The following CD34 variants were observed in gnomAD, a reference collection of about 807,000 sequenced individuals.
CD34 encodes CD34 molecule.
In CD34, 34 loss-of-function variants were observed where a neutral mutation model predicts 40.1. The observed-to-expected ratio is 0.85, with a 90% CI of 0.65 to 1.13. The LOEUF (loss-of-function observed/expected upper bound fraction) is 1.13, where lower values mean the gene tolerates loss of function less well. Among genes scored for constraint, CD34 ranks in the 50% most tolerant of loss-of-function variants. The pLI, the probability that CD34 is intolerant of heterozygous loss-of-function variation, is 0.00. For missense variants in CD34, 426 were observed against 466.9 expected (o/e 0.91, Z 0.81); for synonymous variants, 209 against 190.0 (o/e 1.10, Z -0.82).
At chr1:207,889,886 C>T (rs780450260) in intron 4 of CD34, 26 of 1,541,382 alleles carry the variant, frequency 1.7e-5, no homozygotes, top group Admixed American at 2.5e-5. Context: ...AAAATTGTCT[C>T]GTTGAAGCAT....
intron 1 of CD34, among the ~76,000 whole-genome samples, chr1:207,910,465 A>G (rs1199349058): frequency 6.6e-6 from 1 of 152,114 alleles, no homozygotes; most frequent in Non-Finnish European, 1.5e-5. Context: ...TTCATTCCGA[A>G]CACCCCTGGC....
At chr1:207,896,697 A>C (rs1438458744) in intron 4 of CD34, among the ~76,000 whole-genome samples, 1 of 152,130 alleles carries the variant, frequency 6.6e-6, no homozygotes, top group Non-Finnish European at 1.5e-5. Flanking sequence ...AAATGAAGAA[A>C]TTTTAGAGCA....
intron 1 of CD34, among the ~76,000 whole-genome samples, chr1:207,904,609 C>T (rs1179831854): frequency 1.3e-5 from 2 of 152,000 alleles, no homozygotes; most frequent in Non-Finnish European, 2.9e-5. Flanking sequence ...AAGCAGTTAT[C>T]CTGTCTGGTA....
chr1:207,888,813 C>G lies in CD34; in HGVS notation c.841G>C (p.Ala281Pro). 6.2e-7 allele frequency: 1 copy of G among 1,614,186 alleles called. No homozygotes were observed. Among genetic ancestry groups the G allele is most frequent in the South Asian group, 1.1e-5 (1 of 91,088 alleles). ...TTTTGGGAATAGCTCTGGTGGCTTG[C>G]AACATCTTGCTCAGTGAAATCTAGG... ...GILDFTEQDV[A>P]SHQSYSQKTL... The change falls in exon 7 of 8, where the codon GCA (alanine) becomes CCA (proline). Residue 281 changes from alanine (A) to proline (P), a missense_variant. Ala to Pro is a conservative substitution (Grantham distance 27). Coordinates refer to ENST00000310833, the MANE Select transcript of CD34 (RefSeq NM_001025109.2).
intron 1 of CD34, 118 bp from the exon 2 acceptor site, chr1:207,900,121 T>A: frequency 2.7e-6 from 2 of 749,574 alleles, no homozygotes; most frequent in Non-Finnish European, 4.3e-6. Flanking sequence ...CTGCCCCTTG[T>A]TGGCAGCAAC....
At chr1:207,900,738 T>C (rs1484213661) in intron 1 of CD34, among the ~76,000 whole-genome samples, 4 of 152,158 alleles carry the variant, frequency 2.6e-5, no homozygotes, top group Admixed American at 1.3e-4. Context: ...CTCATCAATG[T>C]AGTGGGAAGG....
chr1:207,909,164 CA>C (rs1662448434), intron 1 of CD34, among the ~76,000 whole-genome samples: 1 of 152,156 alleles, frequency 6.6e-6, no homozygotes, highest in East Asian at 1.9e-4. Flanking sequence ...CCCTCCCCAC[CA>C]AAAGCTGGGA....
chr1:207,896,781 G>T (rs1035114774), intron 4 of CD34, among the ~76,000 whole-genome samples: 7 of 151,752 alleles, frequency 4.6e-5, no homozygotes. Flanking sequence ...ATTTTTTACA[G>T]TGTAATAAAA....
chr1:207,890,200 T>G, intron 4 of CD34: 1 of 1,007,584 alleles, frequency 9.9e-7, no homozygotes, highest in Non-Finnish European at 1.2e-6. Flanking sequence ...TGGAACCCAG[T>G]TTTAATGAAG....
chr1:207,900,932 AT>A (rs1299284742), intron 1 of CD34, among the ~76,000 whole-genome samples: 1 of 150,024 alleles, frequency 6.7e-6, no homozygotes, highest in Non-Finnish European at 1.5e-5. Context: ...TTTGGATCTC[AT>A]TTTTCTCTGA....
chr1:207,902,987 G>T (rs1461151956), intron 1 of CD34, among the ~76,000 whole-genome samples: 3 of 152,144 alleles, frequency 2.0e-5, no homozygotes, highest in Non-Finnish European at 4.4e-5. Flanking sequence ...TCTGACCCCA[G>T]GGTGAGCAGA....
intron 1 of CD34, among the ~76,000 whole-genome samples, chr1:207,904,774 A>G (rs1662343415): frequency 6.6e-6 from 1 of 152,170 alleles, no homozygotes; most frequent in African/African-American, 2.4e-5. Flanking sequence ...AAGAATATAA[A>G]CTTCTAAAGT....
At position 207,887,475 on chromosome 1, in the gene CD34, G is replaced by T; in HGVS notation, c.*263C>A. The T allele has an allele frequency of 2.1e-6, 1 of 478,840 alleles. No individual in the cohort carries two copies. The highest frequency in any genetic ancestry group is 3.7e-6 in the Non-Finnish European group (1 of 266,968). The allele number at this position is 478,840 out of a possible 1,614,324, so 29.7% of individuals were successfully genotyped here. A position where few individuals can be genotyped will look rare whatever the true frequency, so the allele number is the denominator to read the frequency against. On this transcript the variant is annotated 3_prime_UTR_variant, in exon 8 of 8. Transcript: ENST00000310833. Reference sequence around the variant, plus strand: ...GCAAGGCCATCGATTGTTCCTGGGAGCTTCTCCAGACCTTGGCTTTCCCCC... The same window carrying T: ...GCAAGGCCATCGATTGTTCCTGGGATCTTCTCCAGACCTTGGCTTTCCCCC...
At chr1:207,890,251 C>G (rs991240034) in intron 4 of CD34, 15 of 994,744 alleles carry the variant, frequency 1.5e-5, no homozygotes, top group Non-Finnish European at 1.8e-5. Context: ...GGCCATCAGA[C>G]CCAGGAATTT....
intron 1 of CD34, among the ~76,000 whole-genome samples, chr1:207,907,122 A>G (rs1220680221): frequency 6.6e-6 from 1 of 152,186 alleles, no homozygotes; most frequent in Non-Finnish European, 1.5e-5. Context: ...TAGTGTGTGT[A>G]GCCAGTATTT....
rs1661986950 is a variant in CD34 at position 207,889,606 on chromosome 1, C to G, written c.613G>C (p.Asp205His). The part of the protein sequence containing the change: ...KTSSCAEFKK[D>H]RGEGLARVLC... Reference sequence around the variant, plus strand: ...ACTCGGGCCAGGCCCTCTCCCCTGTCCTTCTTAAACTCCGCCTGGGAAGAC... The same window carrying G: ...ACTCGGGCCAGGCCCTCTCCCCTGTGCTTCTTAAACTCCGCCTGGGAAGAC... Residue 205 changes from aspartate (D) to histidine (H), a missense_variant, in exon 5 of 8, where the codon GAC becomes CAC. Coordinates refer to ENST00000310833, the MANE Select transcript of CD34 (RefSeq NM_001025109.2). 1.1e-5 allele frequency: 17 copies of G among 1,612,864 alleles called. No homozygotes were observed. The highest frequency in any genetic ancestry group is 1.4e-5 in the Non-Finnish European group (17 of 1,179,452).
At chr1:207,907,804 G>A (rs1476320616) in intron 1 of CD34, among the ~76,000 whole-genome samples, 3 of 152,186 alleles carry the variant, frequency 2.0e-5, no homozygotes, top group African/African-American at 7.2e-5. Context: ...GGAGGGAAGA[G>A]AATGTTCTCA....
chr1:207,888,732 C>T lies in CD34; in HGVS notation c.922G>A (p.Gly308Ser), dbSNP rs1416031742. 6.2e-7 allele frequency: 1 copy of T among 1,614,230 alleles called. No individual in the cohort carries two copies. Among genetic ancestry groups the T allele is most frequent in the Admixed American group, 1.7e-5 (1 of 60,032 alleles). The part of the protein sequence containing the change: ...GALLAVLGIT[G>S]YFLMNRRSWS... ...CTGCGGCGATTCATCAGGAAATAGC[C>T]AGTGATGCCCAAGACAGCCAGCAGG... The change falls in exon 7 of 8, where the codon GGC becomes AGC. Residue 308 changes from glycine to serine, a missense_variant. Gly to Ser is a moderately conservative substitution (Grantham distance 56). Transcript: ENST00000310833.
chr1:207,905,301 A>G (rs1345148976), intron 1 of CD34, among the ~76,000 whole-genome samples: 2 of 152,110 alleles, frequency 1.3e-5, no homozygotes, highest in Non-Finnish European at 2.9e-5. Flanking sequence ...ATGCCCGGCT[A>G]ATTTTTGTAT....
Sources: allele counts gnomAD v4.1 joint callset (sites outside exome capture counted in the v4.1 genomes callset), GRCh38; gene constraint gnomAD v4.1.1; transcripts MANE v1.5; gene names NCBI Gene and HGNC (gene_info 2026-07-23, HGNC 2026-07-21).